AACS: variants seen among roughly 807,000 people sequenced by gnomAD.
AACS encodes the protein acetoacetate-CoA ligase.
AACS carries 69 observed loss-of-function variants against 83.1 expected under a neutral mutation model. The ratio of observed to expected loss-of-function variants is 0.83; its 90% confidence interval spans 0.68 to 1.01. The LOEUF is 1.01. Among genes scored for constraint, AACS ranks in the 50% least tolerant of loss-of-function variants. The pLI, the probability that AACS is intolerant of heterozygous loss-of-function variation, is 0.00. For missense variants in AACS, 866 were observed against 882.2 expected (o/e 0.98, Z 0.23); for synonymous variants, 333 against 343.4 (o/e 0.97, Z 0.33).
In AACS at chr12:125,118,719, CT is replaced by C. The variant is rs1003301074; in HGVS notation, c.1076del (p.Leu359ArgfsTer15). ...CATGGTCTTGTACGATGGCTCCCCC[CT>C]GGTGCCCACGCCCAATGTGCTCTGG... ...AAMVLYDGSP[L>X]VPTPNVLWDL... On this transcript the variant is annotated frameshift_variant, in exon 10 of 18. Transcript: ENST00000316519. LOFTEE classifies it high-confidence loss of function. 6.8e-6 allele frequency: 11 copies of C among 1,614,020 alleles called. No homozygotes were observed. The highest frequency in any genetic ancestry group is 8.5e-6 in the Non-Finnish European group (10 of 1,180,000).
intron 2 of AACS, 36 bp from the exon 3 acceptor site, chr12:125,076,453 CAT>C (rs753959391): frequency 2.5e-5 from 40 of 1,609,068 alleles, no homozygotes; most frequent in East Asian, 4.5e-5. Context: ...AGCGTAGTCT[CAT>C]GTGTGTGCGT....
Position 125,136,626 on chromosome 12 carries a change from C to A in AACS, c.1679-36C>A, listed in dbSNP as rs955966191. On this transcript the variant is annotated intron_variant, in intron 16 of 17. Coordinates refer to ENST00000316519, the MANE Select transcript of AACS (RefSeq NM_023928.5). Reference sequence around the variant, plus strand: ...AGGCCCGACCCCACACTGAGGGGCCCCCTGCGTGAATGTGCACCCTCTCCT... The same window carrying A: ...AGGCCCGACCCCACACTGAGGGGCCACCTGCGTGAATGTGCACCCTCTCCT... 2.5e-6 allele frequency: 4 copies of A among 1,596,170 alleles called. No individual in the cohort carries two copies. In the Admixed American group the frequency reaches 6.7e-5, roughly 27 times the overall value.
chr12:125,074,227 T>TTTTG lies in AACS; in HGVS notation c.237+268_237+271dup, dbSNP rs530132337. Among the ~76,000 whole-genome samples, 50 of 152,114 alleles carry TTTTG rather than the reference T, an allele frequency of 3.3e-4. 1 individual carries two copies. In the East Asian group the frequency reaches 8.5e-3, roughly 26 times the overall value. On this transcript the variant is annotated intron_variant, in intron 2 of 17. Transcript: ENST00000316519. ...GAACTTGAGTGATCCTAAATAGTAGTTTTGTTTGTTTGTTTGTTTGTTTTT... is the reference window on the plus strand; with the variant it reads ...GAACTTGAGTGATCCTAAATAGTAGTTTTGTTTGTTTGTTTGTTTGTTTGTTTTT...
chr12:125,120,190 A>C (rs576615478), intron 10 of AACS: 3 of 152,326 alleles, frequency 2.0e-5, no homozygotes, highest in African/African-American at 7.2e-5. Context: ...GAAAGGCCTC[A>C]TGAGATCCAG....
Position 125,065,604 on chromosome 12 carries a change from C to T in AACS, c.20C>T (p.Pro7Leu). The T allele has an allele frequency of 6.5e-7, 1 of 1,530,314 alleles. No individual in the cohort carries two copies. The highest frequency in any genetic ancestry group is 8.8e-7 in the Non-Finnish European group (1 of 1,138,002). The allele number at this position is 1,530,314 out of a possible 1,614,324, so 94.8% of individuals were successfully genotyped here. A position where few individuals can be genotyped will look rare whatever the true frequency, so the allele number is the denominator to read the frequency against. MSKEER[P>L]GREEILECQV... ...GCCGCCATGTCCAAGGAGGAGCGCCCCGGTCGGGAGGAGATCCTGGAGTGC... is the reference window on the plus strand; with the variant it reads ...GCCGCCATGTCCAAGGAGGAGCGCCTCGGTCGGGAGGAGATCCTGGAGTGC... The change falls in exon 1 of 18, where the codon CCC becomes CTC. Residue 7 changes from proline (P) to leucine (L), a missense_variant. Coordinates refer to ENST00000316519, the MANE Select transcript of AACS (RefSeq NM_023928.5).
chr12:125,071,315 G>A (rs1955856601), intron 1 of AACS, among the ~76,000 whole-genome samples: 1 of 152,204 alleles, frequency 6.6e-6, no homozygotes, highest in African/African-American at 2.4e-5. Context: ...TGGTGACACA[G>A]ATCAGCCCTC....
intron 10 of AACS, chr12:125,120,450 G>A (rs1158244483): frequency 6.6e-6 from 1 of 152,192 alleles, no homozygotes; most frequent in African/African-American, 2.4e-5. Flanking sequence ...CTTGGCCTGG[G>A]TAATATTTAA....
intron 1 of AACS, among the ~76,000 whole-genome samples, chr12:125,067,224 C>G (rs1256711657): frequency 6.6e-6 from 1 of 152,192 alleles, no homozygotes; most frequent in African/African-American, 2.4e-5. Context: ...CCCTTCCTCT[C>G]CCTTGGAGAC....
chr12:125,104,120 A>G (rs1956782990), intron 7 of AACS, among the ~76,000 whole-genome samples: 1 of 148,948 alleles, frequency 6.7e-6, no homozygotes, highest in African/African-American at 2.5e-5. Context: ...CCTTCCTTTA[A>G]TTTTTCTTGA....
At chr12:125,125,446 C>T (rs1413134941) in intron 12 of AACS, among the ~76,000 whole-genome samples, 1 of 152,142 alleles carries the variant, frequency 6.6e-6, no homozygotes, top group Non-Finnish European at 1.5e-5. Flanking sequence ...GCCCTGGGCT[C>T]CTGTGTGTGA....
chr12:125,069,356 G>A lies in AACS; in HGVS notation c.133+3639G>A, dbSNP rs78014854. 5.0e-3 allele frequency among the ~76,000 whole-genome samples: 761 copies of A among 152,298 alleles called. 36 individuals carry two copies. In the East Asian group the frequency reaches 0.097, roughly 19 times the overall value. On this transcript the variant is annotated intron_variant, in intron 1 of 17. Coordinates refer to ENST00000316519, the MANE Select transcript of AACS (RefSeq NM_023928.5). ...CATTCCCCACTCCGGCCGCCTCTCCGTGAGCCCGTCTTCCCAGACCAAGGT... is the reference window on the plus strand; with the variant it reads ...CATTCCCCACTCCGGCCGCCTCTCCATGAGCCCGTCTTCCCAGACCAAGGT...
rs1412226031 is a variant in AACS, at chr12:125,131,002, G to A, written c.1549+1542G>A. ...ACCAGCGCTGAGAGATTCTTGGGCT[G>A]TATAGGAAATGGCGTGATGGCAAAA... On this transcript the variant is annotated intron_variant, in intron 14 of 17. Coordinates refer to ENST00000316519, the MANE Select transcript of AACS (RefSeq NM_023928.5). 2.0e-5 allele frequency among the ~76,000 whole-genome samples: 3 copies of A among 152,194 alleles called. No homozygotes were observed. The East Asian group carries it at 5.8e-4, about 29-fold the overall frequency.
At chr12:125,096,345 T>C (rs1956607648) in intron 5 of AACS, among the ~76,000 whole-genome samples, 1 of 152,226 alleles carries the variant, frequency 6.6e-6, no homozygotes, top group South Asian at 2.1e-4. Context: ...ATGCTCAATA[T>C]GTTTTAACTG....
intron 2 of AACS, among the ~76,000 whole-genome samples, chr12:125,074,910 C>T (rs903828082): frequency 3.3e-5 from 5 of 151,362 alleles, no homozygotes; most frequent in South Asian, 2.1e-4. Context: ...GTGATCCACC[C>T]GCCTCAGCCT....
At chr12:125,134,880 TC>T (rs1957380334) in intron 16 of AACS, 28 bp downstream of exon 16, 1 of 1,613,732 alleles carries the variant, frequency 6.2e-7, no homozygotes, top group East Asian at 2.2e-5. Context: ...CTGAGCGTTC[TC>T]CAGTCTCCAG....
At chr12:125,138,852 G>C (rs74863946) in intron 17 of AACS, 1 of 152,170 alleles carries the variant, frequency 6.6e-6, no homozygotes, top group East Asian at 1.9e-4. Context: ...AGCTAGGGAG[G>C]GGTCCAGCCT....
At chr12:125,076,417 C>A in intron 2 of AACS, 74 bp from the exon 3 acceptor site, 3 of 1,565,050 alleles carry the variant, frequency 1.9e-6, no homozygotes, top group Non-Finnish European at 2.6e-6. Flanking sequence ...TGATTTGTGA[C>A]ATAGTCTCAT....
chr12:125,136,691 C>T lies in AACS; in HGVS notation c.1708C>T (p.Leu570=), dbSNP rs749131598. 1.2e-6 allele frequency: 2 copies of T among 1,614,078 alleles called. No individual in the cohort carries two copies. Among genetic ancestry groups the T allele is most frequent in the Non-Finnish European group, 1.7e-6 (2 of 1,180,014 alleles). ...ATCCTTCGAGGAGGTGGAGGACAGC[C>T]TGTGTGTCCCCCAGTATAACAAGTA... ...VESFEEVEDS[L]CVPQYNKYRE... Residue 570 remains leucine, a synonymous_variant, in exon 17 of 18, where the codon CTG becomes TTG. Coordinates refer to ENST00000316519, the MANE Select transcript of AACS (RefSeq NM_023928.5).
chr12:125,089,061 C>T (rs12321988), intron 4 of AACS, among the ~76,000 whole-genome samples: 2,066 of 152,318 alleles, frequency 0.014, 126 homozygotes, highest in Admixed American at 0.11. Context: ...CTCCTCCTCA[C>T]TTGTCAGCCA....
Sources: gnomAD v4.1 joint callset for allele counts (sites outside exome capture counted in the v4.1 genomes callset) on GRCh38, gnomAD v4.1.1 for gene constraint, MANE v1.5 for transcripts, NCBI Gene and HGNC (gene_info 2026-07-23, HGNC 2026-07-21) for gene names.